Variants in SRRM4 observed in about 807,000 individuals in gnomAD.
The protein encoded by SRRM4 is serine/arginine repetitive matrix 4.
SRRM4 carries 33 observed loss-of-function variants against 68.9 expected under a neutral mutation model. The observed-to-expected ratio is 0.48, with a 90% CI of 0.36 to 0.64. The LOEUF is 0.64. Among genes scored for constraint, SRRM4 ranks in the 30% least tolerant of loss-of-function variants. SRRM4 has a pLI of 0.00. For missense variants in SRRM4, 817 were observed against 827.1 expected, an observed-to-expected ratio of 0.99 and a Z score of 0.15; for synonymous variants, 318 against 318.8, an observed-to-expected ratio of 1.00 and a Z score of 0.03.
At chr12:119,078,348 T>C (rs891891755) in intron 1 of SRRM4, among the ~76,000 whole-genome samples, 1 of 152,160 alleles carries the variant, frequency 6.6e-6, no homozygotes, top group African/African-American at 2.4e-5. Context: ...GGTGCCCAGT[T>C]TGATGCTGGG....
chr12:119,103,697 A>G (rs559435178), intron 2 of SRRM4, among the ~76,000 whole-genome samples: 2 of 152,310 alleles, frequency 1.3e-5, no homozygotes, highest in African/African-American at 2.4e-5. Context: ...GAAGGAAGGG[A>G]ATTTCCCTAC....
rs993396093 is a variant in SRRM4 at position 119,130,673 on chromosome 12, C to T, written c.615-5C>T. The T allele has an allele frequency of 1.2e-6, 2 of 1,608,742 alleles. No homozygotes were observed. The highest frequency in any genetic ancestry group is 1.7e-6 in the Non-Finnish European group (2 of 1,178,256). On this transcript the variant is annotated splice_polypyrimidine_tract_variant and splice_region_variant and intron_variant, in intron 7 of 12. Coordinates refer to ENST00000267260, the MANE Select transcript of SRRM4 (RefSeq NM_194286.4). Reference sequence around the variant, plus strand: ...GACCCTCAGGTCTCTCTCCCCCATCCCCAGGCACCGCGGCCGGTCCCCTGA... The same window carrying T: ...GACCCTCAGGTCTCTCTCCCCCATCTCCAGGCACCGCGGCCGGTCCCCTGA...
At chr12:119,122,856 C>T (rs1954231509) in intron 6 of SRRM4, among the ~76,000 whole-genome samples, 1 of 152,158 alleles carries the variant, frequency 6.6e-6, no homozygotes, top group Non-Finnish European at 1.5e-5. Context: ...CATGTGCTGA[C>T]TGTTGGATTT....
chr12:119,016,000 T>C (rs1953478704), intron 1 of SRRM4, among the ~76,000 whole-genome samples: 1 of 151,810 alleles, frequency 6.6e-6, no homozygotes, highest in Admixed American at 6.6e-5. Context: ...TGGATGTCAT[T>C]AGTTAAGATG....
intron 1 of SRRM4, among the ~76,000 whole-genome samples, chr12:119,076,743 AG>A: frequency 6.6e-6 from 1 of 152,344 alleles, no homozygotes; most frequent in Admixed American, 6.5e-5. Context: ...AACCGCTCTC[AG>A]GGAGGTGGAA....
chr12:119,136,684 T>C (rs2136060929), intron 8 of SRRM4, among the ~76,000 whole-genome samples: 1 of 152,228 alleles, frequency 6.6e-6, no homozygotes, highest in East Asian at 1.9e-4. Context: ...TACATTGAAC[T>C]TATTTTTTCT....
intron 1 of SRRM4, among the ~76,000 whole-genome samples, chr12:119,032,848 T>C (rs1330903504): frequency 6.6e-6 from 1 of 152,198 alleles, no homozygotes; most frequent in South Asian, 2.1e-4. Flanking sequence ...CTGTCTCTTA[T>C]GTTAATATGG....
chr12:119,006,244 A>T (rs1240375905), intron 1 of SRRM4, among the ~76,000 whole-genome samples: 1 of 152,004 alleles, frequency 6.6e-6, no homozygotes, highest in African/African-American at 2.4e-5. Flanking sequence ...TCTGCTCTCA[A>T]CTTAACTCTT....
intron 1 of SRRM4, among the ~76,000 whole-genome samples, chr12:118,986,654 A>G (rs1953283874): frequency 1.3e-5 from 2 of 152,166 alleles, no homozygotes; most frequent in South Asian, 4.1e-4. Flanking sequence ...AGTTCCCTAG[A>G]TAGAGACATC....
intron 1 of SRRM4, among the ~76,000 whole-genome samples, chr12:118,988,441 C>A (rs1953296539): frequency 1.3e-5 from 2 of 152,200 alleles, no homozygotes; most frequent in Non-Finnish European, 2.9e-5. Context: ...CATTTTCCAG[C>A]TCAAGGATGC....
intron 1 of SRRM4, among the ~76,000 whole-genome samples, chr12:118,982,677 T>G (rs1241513843): frequency 5.1e-5 from 7 of 136,180 alleles, no homozygotes; most frequent in African/African-American, 2.0e-4. Context: ...TTGTTTTTTT[T>G]TGTTTTTTTT....
At chr12:119,028,417 G>C (rs1244987168) in intron 1 of SRRM4, among the ~76,000 whole-genome samples, 1 of 152,114 alleles carries the variant, frequency 6.6e-6, no homozygotes, top group Non-Finnish European at 1.5e-5. Flanking sequence ...TAGTGAATAA[G>C]CCTCACAAGA....
At chr12:119,087,167 G>A (rs985952507) in intron 1 of SRRM4, among the ~76,000 whole-genome samples, 2 of 152,160 alleles carry the variant, frequency 1.3e-5, no homozygotes, top group African/African-American at 4.8e-5. Flanking sequence ...GGTAAAACAG[G>A]ATTGATCATT....
chr12:119,081,721 G>T (rs533723393), intron 1 of SRRM4, among the ~76,000 whole-genome samples: 1 of 152,354 alleles, frequency 6.6e-6, no homozygotes, highest in East Asian at 1.9e-4. Context: ...AATAATGCAG[G>T]TGCAAGATGA....
intron 1 of SRRM4, among the ~76,000 whole-genome samples, chr12:119,033,474 GC>G (rs1217127192): frequency 6.6e-6 from 1 of 152,068 alleles, no homozygotes; most frequent in African/African-American, 2.4e-5. Context: ...GGCCATCCTG[GC>G]CCACATGGTG....
intron 8 of SRRM4, among the ~76,000 whole-genome samples, chr12:119,143,574 A>G (rs912911456): frequency 1.3e-5 from 2 of 152,100 alleles, no homozygotes; most frequent in Non-Finnish European, 2.9e-5. Context: ...CTGGCCCTGG[A>G]ACCATCCCTT....
chr12:119,153,840 T>A (rs1474045993), intron 11 of SRRM4, among the ~76,000 whole-genome samples, 191 bp downstream of exon 11: 1 of 151,944 alleles, frequency 6.6e-6, no homozygotes, highest in African/African-American at 2.4e-5. Context: ...TTTCCTAATG[T>A]CTCCAGCCCA....
rs141107702 is a variant in SRRM4 at position 119,022,163 on chromosome 12, C to G, written c.131+40150C>G. Among the ~76,000 whole-genome samples, 162 of 151,478 alleles carry G rather than the reference C, an allele frequency of 1.1e-3. 1 individual carries two copies. Among genetic ancestry groups the G allele is most frequent in the African/African-American group, 3.8e-3 (156 of 41,238 alleles). ...TGCACATTCTGCCCGTATCCTGGAA[C>G]TTAAAATAAAATTTAATAAAATTTA... On this transcript the variant is annotated intron_variant, in intron 1 of 12. Coordinates refer to ENST00000267260, the MANE Select transcript of SRRM4 (RefSeq NM_194286.4).
chr12:119,057,510 GC>G (rs1953783994), intron 1 of SRRM4, among the ~76,000 whole-genome samples: 1 of 152,156 alleles, frequency 6.6e-6, no homozygotes, highest in Non-Finnish European at 1.5e-5. Flanking sequence ...CCGTGTCCCT[GC>G]AAAGGACATT....
Sources: gnomAD v4.1 joint callset for allele counts (sites outside exome capture counted in the v4.1 genomes callset) on GRCh38, gnomAD v4.1.1 for gene constraint, MANE v1.5 for transcripts, NCBI Gene and HGNC (gene_info 2026-07-23, HGNC 2026-07-21) for gene names.